The following CCAR1 variants were observed in gnomAD, a reference collection of about 807,000 sequenced individuals.
The protein encoded by CCAR1 is cell division cycle and apoptosis regulator protein 1.
Under a neutral mutation model 163.8 loss-of-function variants are expected in CCAR1, and 78 were observed. The ratio of observed to expected loss-of-function variants is 0.48; its 90% CI spans 0.40 to 0.57. CCAR1 has a LOEUF of 0.57. CCAR1 is among the 20% of genes least tolerant of loss of function. The probability of loss-of-function intolerance (pLI) is 0.00; values close to 1 mark genes in which losing one functional copy is unlikely to be tolerated. For missense variants in CCAR1, 1,019 were observed against 1,365.2 expected, an observed-to-expected ratio of 0.75 and a Z score of 4.00; for synonymous variants, 443 against 460.7, an observed-to-expected ratio of 0.96 and a Z score of 0.49.
At chr10:68,743,401 C>A (rs537425405) in intron 6 of CCAR1, among the ~76,000 whole-genome samples, 4 of 151,664 alleles carry the variant, frequency 2.6e-5, no homozygotes, top group Non-Finnish European at 5.9e-5. Context: ...CCCGACCTCA[C>A]GATCCACCTG....
intron 2 of CCAR1, among the ~76,000 whole-genome samples, chr10:68,728,925 C>T (rs1450317538): frequency 6.6e-6 from 1 of 151,572 alleles, no homozygotes; most frequent in African/African-American, 2.4e-5. Flanking sequence ...GCACTCCAAC[C>T]TGGGCGATAG....
In CCAR1 at chr10:68,789,724, A is replaced by T. The variant is rs2133442326; in HGVS notation, c.3202A>T (p.Thr1068Ser). ...TTTTTAAACAGATGAAGATGAAAAAACCATATTAAATTTGGAGAATTCCAA... is the reference window on the plus strand; with the variant it reads ...TTTTTAAACAGATGAAGATGAAAAATCCATATTAAATTTGGAGAATTCCAA... ...LEEKTDEDEK[T>S]ILNLENSNKS... The change falls in exon 24 of 25, where the codon ACC becomes TCC. Residue 1068 changes from threonine (T) to serine (S), a missense_variant. By Grantham distance (58) the Thr-to-Ser change is moderately conservative. Around this residue, in one of 4 missense-constraint regions of CCAR1, gnomAD observed 358 missense variants for 406.4 expected, o/e 0.88. Coordinates refer to ENST00000265872, the MANE Select transcript of CCAR1 (RefSeq NM_018237.4). 1 of 1,572,342 alleles carries T rather than the reference A, an allele frequency of 6.4e-7. No homozygotes were observed. The highest frequency in any genetic ancestry group is 2.3e-5 in the East Asian group (1 of 44,278).
intron 10 of CCAR1, among the ~76,000 whole-genome samples, chr10:68,753,187 ACTT>A (rs1357853714): frequency 1.3e-5 from 2 of 151,518 alleles, no homozygotes; most frequent in Admixed American, 6.6e-5. Flanking sequence ...TAAAAGCTCT[ACTT>A]CTTAGGAAAA....
At chr10:68,742,714 C>T (rs924445445) in intron 6 of CCAR1, 145 bp downstream of exon 6, 4 of 671,578 alleles carry the variant, frequency 6.0e-6, no homozygotes, top group Non-Finnish European at 7.8e-6. Context: ...CTCCTGGGTT[C>T]AAGCAATTCT....
intron 2 of CCAR1, among the ~76,000 whole-genome samples, chr10:68,728,962 A>G (rs557464466): frequency 6.6e-6 from 1 of 152,262 alleles, no homozygotes; most frequent in South Asian, 2.1e-4. Context: ...AGAAAAAAAA[A>G]AAAAAGCCCT....
At chr10:68,781,347 A>T (rs889780806) in intron 19 of CCAR1, among the ~76,000 whole-genome samples, 26 of 152,092 alleles carry the variant, frequency 1.7e-4, no homozygotes, top group African/African-American at 6.3e-4. Flanking sequence ...GTTTGAGACC[A>T]GCATTGCCAA....
rs2056386966 is a variant in CCAR1, at chr10:68,755,414, A to G, written c.1503A>G (p.Gly501=). ...MKGKDEAMAI[G]GHWSPSLDGP... The stretch of plus-strand genomic sequence containing the variant: ...GCAAGGATGAAGCTATGGCCATTGG[A>G]GGCCACTGGTCTCCTTCGTTGGATG... The change falls in exon 13 of 25, where the codon GGA becomes GGG. Residue 501 remains glycine, a synonymous_variant. Transcript: ENST00000265872. 3 of 1,613,886 alleles carry G rather than the reference A, an allele frequency of 1.9e-6. No individual in the cohort carries two copies. The highest frequency in any genetic ancestry group is 1.7e-5 in the Admixed American group (1 of 59,968).
At position 68,725,688 on chromosome 10, in the gene CCAR1, T is replaced by TA. The variant is rs2055933596; in HGVS notation, c.73+3112dup. On this transcript the variant is annotated intron_variant, in intron 2 of 24. Coordinates refer to ENST00000265872, the MANE Select transcript of CCAR1 (RefSeq NM_018237.4). ...ATATTTTTATTTATTTTATATCTCT[T>TA]ACTCTTTGCTGCATTTTACTTGCTT... is the stretch of plus-strand genomic sequence containing the variant. 2.0e-5 allele frequency among the ~76,000 whole-genome samples: 3 copies of TA among 152,206 alleles called. No individual in the cohort carries two copies. The South Asian group carries it at 6.2e-4, about 31-fold the overall frequency.
At chr10:68,730,800 C>G (rs1367685815) in intron 2 of CCAR1, among the ~76,000 whole-genome samples, 1 of 152,056 alleles carries the variant, frequency 6.6e-6, no homozygotes, top group African/African-American at 2.4e-5. Flanking sequence ...AGGTGATCCA[C>G]CCACTTCAGC....
chr10:68,780,227 C>T (rs555930021), intron 19 of CCAR1, among the ~76,000 whole-genome samples: 6 of 152,126 alleles, frequency 3.9e-5, no homozygotes, highest in Admixed American at 2.6e-4. Flanking sequence ...TCAAGACAGT[C>T]TTATTCTGTT....
intron 2 of CCAR1, among the ~76,000 whole-genome samples, chr10:68,725,220 T>C (rs777782942): frequency 1.4e-4 from 22 of 152,040 alleles, no homozygotes; most frequent in Non-Finnish European, 3.1e-4. Context: ...GGTGCAGCAC[T>C]TTGGGAGGCG....
At chr10:68,765,013 T>C (rs1161680233) in intron 16 of CCAR1, among the ~76,000 whole-genome samples, 1 of 152,088 alleles carries the variant, frequency 6.6e-6, no homozygotes, top group Admixed American at 6.6e-5. Context: ...ACGTAGTTTC[T>C]TTCAGATAGC....
At chr10:68,785,215 C>T (rs1285818689) in intron 19 of CCAR1, among the ~76,000 whole-genome samples, 1 of 151,444 alleles carries the variant, frequency 6.6e-6, no homozygotes, top group African/African-American at 2.4e-5. Flanking sequence ...CCGCACCCGG[C>T]CCTATAACTT....
At chr10:68,726,211 G>A (rs187492339) in intron 2 of CCAR1, among the ~76,000 whole-genome samples, 2 of 151,418 alleles carry the variant, frequency 1.3e-5, no homozygotes, top group Non-Finnish European at 2.9e-5. Flanking sequence ...GAGTGCAGTG[G>A]CATGATCTTG....
chr10:68,751,348 C>T (rs1279123041), intron 10 of CCAR1, among the ~76,000 whole-genome samples: 4 of 151,926 alleles, frequency 2.6e-5, no homozygotes, highest in Non-Finnish European at 5.9e-5. Flanking sequence ...CTTAACTTTA[C>T]ACTAGTTTTC....
intron 24 of CCAR1, among the ~76,000 whole-genome samples, chr10:68,790,427 AAGT>A (rs1328182248): frequency 1.3e-5 from 2 of 152,046 alleles, no homozygotes; most frequent in Non-Finnish European, 2.9e-5. Flanking sequence ...AACATGATTT[AAGT>A]ATACAGACTT....
chr10:68,728,466 A>G (rs1459783400), intron 2 of CCAR1, among the ~76,000 whole-genome samples: 1 of 152,022 alleles, frequency 6.6e-6, no homozygotes, highest in African/African-American at 2.4e-5. Flanking sequence ...CAGCCTATGA[A>G]TGGTGTCTTC....
At chr10:68,757,942 C>T (rs1177603374) in intron 15 of CCAR1, among the ~76,000 whole-genome samples, 4 of 151,608 alleles carry the variant, frequency 2.6e-5, no homozygotes, top group East Asian at 1.9e-4. Flanking sequence ...CGGGTTTCAC[C>T]GTGTTAGCCA....
chr10:68,744,216 A>T (rs2133338962), intron 6 of CCAR1, among the ~76,000 whole-genome samples: 1 of 152,342 alleles, frequency 6.6e-6, no homozygotes, highest in East Asian at 1.9e-4. Context: ...TTTTTCCTGA[A>T]GAAAGGCGGT....
Sources: allele counts gnomAD v4.1 joint callset (sites outside exome capture counted in the v4.1 genomes callset), GRCh38; gene constraint gnomAD v4.1.1; regional missense constraint gnomAD v4.1.1; transcripts MANE v1.5; gene names NCBI Gene and HGNC (gene_info 2026-07-23, HGNC 2026-07-21).